The following NCOR2 variants were observed in gnomAD, a reference collection of about 807,000 sequenced individuals.
NCOR2 encodes the protein CTG repeat protein 26.
A neutral mutation model predicts 262.9 loss-of-function variants in NCOR2; 81 were observed. The ratio of observed to expected loss-of-function variants is 0.31; its 90% CI spans 0.26 to 0.37. The LOEUF (loss-of-function observed/expected upper bound fraction) is 0.37, where lower values mean the gene tolerates loss of function less well. Ranked by LOEUF, NCOR2 falls within the 10% of genes least tolerant of loss-of-function variation. The pLI is 1.00. For synonymous variants in NCOR2, 1,659 were observed against 1,559.3 expected, an observed-to-expected ratio of 1.06 and a Z score of -1.51; for missense variants, 3,385 against 3,621.4, an observed-to-expected ratio of 0.93 and a Z score of 1.68.
At chr12:124,363,504 G>A (rs1023764422) in intron 21 of NCOR2, among the ~76,000 whole-genome samples, 175 bp downstream of exon 23, 4 of 152,260 alleles carry the variant, frequency 2.6e-5, no homozygotes, top group African/African-American at 9.6e-5. Flanking sequence ...CACCCGGTAC[G>A]CCTGCCAGCT....
intron 5 of NCOR2, among the ~76,000 whole-genome samples, chr12:124,462,018 GT>G (rs1177055274): frequency 6.6e-6 from 1 of 152,166 alleles, no homozygotes; most frequent in African/African-American, 2.4e-5. Context: ...ACACCCAAGT[GT>G]GCTGTATCAA....
Position 124,333,885 on chromosome 12 carries a change from C to CGT in NCOR2, c.6605+538_6605+539insAC, listed in dbSNP as rs1566353463. ...GTGTGTGCGCATGTGTGCGGGTGTGCATGTGTGTGTGCGCGCGCATGTGTG... is the reference window on the plus strand; with the variant it reads ...GTGTGTGCGCATGTGTGCGGGTGTGCGTATGTGTGTGTGCGCGCGCATGTGTG... On this transcript the variant is annotated intron_variant, in intron 41 of 46. Coordinates refer to ENST00000405201, the Ensembl canonical transcript of NCOR2. Among the ~76,000 whole-genome samples the CGT allele has an allele frequency of 1.9e-5, 2 of 102,908 alleles. 1 individual carries two copies. Among genetic ancestry groups the CGT allele is most frequent in the Admixed American group, 2.1e-4 (2 of 9,532 alleles). 67.5% of individuals were successfully genotyped at this position (102,908 alleles called of 152,430 possible).
chr12:124,408,171 G>T (rs1450174282), intron 13 of NCOR2, among the ~76,000 whole-genome samples: 1 of 152,112 alleles, frequency 6.6e-6, no homozygotes, highest in African/African-American at 2.4e-5. Flanking sequence ...TGGCTAACAC[G>T]GTGAAACCCC....
chr12:124,429,360 G>C (rs1053057677), intron 10 of NCOR2: 1 of 526,522 alleles, frequency 1.9e-6, no homozygotes, highest in South Asian at 2.3e-5. Context: ...GCATCTGGAT[G>C]GGGGAGCGCC....
At chr12:124,336,259 G>A (rs751998354) in intron 38 of NCOR2, 46 of 166,440 alleles carry the variant, frequency 2.8e-4, no homozygotes, top group Non-Finnish European at 5.4e-4. Context: ...CAGTCCGACA[G>A]CATCCAGGCA....
intron 1 of NCOR2, among the ~76,000 whole-genome samples, chr12:124,519,087 A>AATACACACACACACAC (rs1566020042): frequency 7.9e-6 from 1 of 126,242 alleles, no homozygotes; most frequent in South Asian, 2.9e-4. Context: ...GTGGCCAAAT[A>AATACACACACACACAC]ATACACACAC....
chr12:124,419,820 T>C, intron 13 of NCOR2, 137 bp downstream of exon 15: 1 of 778,362 alleles, frequency 1.3e-6, no homozygotes. Flanking sequence ...GAGCCTGCAC[T>C]CACACTGCCG....
Position 124,512,942 on chromosome 12 carries a change from G to A in NCOR2, c.-117-17574C>T, listed in dbSNP as rs569754271. Among the ~76,000 whole-genome samples the A allele has an allele frequency of 5.3e-5, 8 of 152,326 alleles. No homozygotes were observed. The East Asian group carries it at 1.2e-3, about 22-fold the overall frequency. The stretch of plus-strand genomic sequence containing the variant: ...GCTCATCGAGGGGGACCAGACAAAC[G>A]GTGGGGCCAGGGAGGGCTTCCTGGA... On this transcript the variant is annotated intron_variant, in intron 1 of 46. Coordinates refer to the NCOR2 transcript ENST00000404621.
intron 3 of NCOR2, among the ~76,000 whole-genome samples, chr12:124,480,388 CTGAG>C (rs1447274065): frequency 6.6e-6 from 1 of 152,210 alleles, no homozygotes; most frequent in African/African-American, 2.4e-5. Flanking sequence ...AGCTGGGTGG[CTGAG>C]TGACCCTGGG....
At chr12:124,368,846 T>C (rs1794960) in intron 20 of NCOR2, among the ~76,000 whole-genome samples, 148,746 of 152,382 alleles carry the variant, frequency 0.98, 72,648 homozygotes, top group Non-Finnish European at 0.99. Context: ...GTCAGGGCCT[T>C]GTCTGTGCAG....
intron 7 of NCOR2, among the ~76,000 whole-genome samples, chr12:124,444,628 A>C (rs2136462587): frequency 6.6e-6 from 1 of 152,158 alleles, no homozygotes; most frequent in East Asian, 1.9e-4. Flanking sequence ...AGCAATAGTG[A>C]ATCTGGAGAG....
At position 124,483,528 on chromosome 12, in the gene NCOR2, C is replaced by G; in HGVS notation, c.411+68G>C. ...TCCCTGCACCCCTACCCACCACCTC[C>G]CACCCAGCCCAACCAGCAGCAGAAC... On this transcript the variant is annotated intron_variant, in intron 3 of 46. Transcript: ENST00000405201. The surrounding 1 kb of genome is among the most constrained non-coding windows in gnomAD (Gnocchi z 6.3). 1 of 1,449,740 alleles carries G rather than the reference C, an allele frequency of 6.9e-7. No individual in the cohort carries two copies. The highest frequency in any genetic ancestry group is 9.1e-7 in the Non-Finnish European group (1 of 1,096,394). The allele number at this position is 1,449,740 out of a possible 1,614,324, so 89.8% of individuals were successfully genotyped here.
At chr12:124,490,235 T>C (rs2048005645) in intron 1 of NCOR2, among the ~76,000 whole-genome samples, 1 of 152,190 alleles carries the variant, frequency 6.6e-6, no homozygotes, top group African/African-American at 2.4e-5. Flanking sequence ...CCCGACTCTC[T>C]ACTTAAATCT....
chr12:124,479,534 C>T (rs564873797), intron 3 of NCOR2, among the ~76,000 whole-genome samples: 1 of 152,234 alleles, frequency 6.6e-6, no homozygotes, highest in East Asian at 1.9e-4. Flanking sequence ...CACGCACACA[C>T]ACACCCGCAC....
rs1157684575 is a variant in NCOR2, at chr12:124,531,214, G to A, written c.-118+4351C>T. On this transcript the variant is annotated intron_variant, in intron 1 of 46. Transcript: ENST00000404621. The surrounding 1 kb of genome is among the most constrained non-coding windows in gnomAD (Gnocchi z 4.5). ...ACAACAGTCCAGCCAGAGCCCACCC[G>A]TTTATGAAAGAAAATGATAATAATA... Among the ~76,000 whole-genome samples, 2 of 152,134 alleles carry A rather than the reference G, an allele frequency of 1.3e-5. No homozygotes were observed. Among genetic ancestry groups the A allele is most frequent in the Non-Finnish European group, 2.9e-5 (2 of 68,022 alleles).
chr12:124,354,384 G>T, intron 26 of NCOR2, 94 bp downstream of exon 28: 1 of 1,263,804 alleles, frequency 7.9e-7, no homozygotes. Flanking sequence ...CCCTCTGGGA[G>T]ATGACACTTC....
rs1291728179 is a variant in NCOR2, at chr12:124,517,486, A to G, written c.-118+18079T>C. On this transcript the variant is annotated intron_variant, in intron 1 of 46. Transcript: ENST00000404621. The surrounding 1 kb of genome is among the most constrained non-coding windows in gnomAD (Gnocchi z 7.6). ...CGGTGGCGCTGATTTCAAACCAGAC[A>G]TGGGCACCGAGCCAAGCGCCACCTC... Among the ~76,000 whole-genome samples the G allele has an allele frequency of 6.6e-6, 1 of 152,088 alleles. No individual in the cohort carries two copies. Among genetic ancestry groups the G allele is most frequent in the Non-Finnish European group, 1.5e-5 (1 of 68,002 alleles).
intron 27 of NCOR2, among the ~76,000 whole-genome samples, chr12:124,351,647 C>G (rs2037476292): frequency 1.3e-5 from 2 of 152,172 alleles, no homozygotes; most frequent in South Asian, 4.1e-4. Flanking sequence ...AGAACACAAG[C>G]ATCAGAGTTA....
rs12164834 is a variant in NCOR2 at position 124,335,130 on chromosome 12, G to C, written c.6411+5C>G. The stretch of plus-strand genomic sequence containing the variant: ...GACAAGCAGCAGCAGAGAACGCGTA[G>C]TTACACTGATGTGCTGGGCCAGGGT... On this transcript the variant is annotated splice_donor_5th_base_variant and intron_variant, in intron 40 of 46. Coordinates refer to ENST00000405201, the Ensembl canonical transcript of NCOR2. The C allele has an allele frequency of 6.2e-7, 1 of 1,612,356 alleles. No individual in the cohort carries two copies. Among genetic ancestry groups the C allele is most frequent in the South Asian group, 1.1e-5 (1 of 91,056 alleles).
Sources: gnomAD v4.1 joint callset for allele counts (sites outside exome capture counted in the v4.1 genomes callset) on GRCh38, gnomAD v4.1.1 for gene constraint, Gnocchi (gnomAD v3.1) non-coding constraint, MANE v1.5 for transcripts, NCBI Gene and HGNC (gene_info 2026-07-23, HGNC 2026-07-21) for gene names.